Variants in LANCL3 observed in about 807,000 individuals in gnomAD.
The protein encoded by LANCL3 is lanC-like protein 3.
A neutral mutation model predicts 26.5 loss-of-function variants in LANCL3; 19 were observed. The observed-to-expected ratio is 0.72, with a 90% confidence interval of 0.50 to 1.05. LANCL3 has a LOEUF of 1.05. Among genes scored for constraint, LANCL3 ranks in the 50% least tolerant of loss-of-function variants. LANCL3 has a pLI of 0.00. For missense variants in LANCL3, 318 were observed against 362.7 expected (o/e 0.88, Z 1.00); for synonymous variants, 160 against 166.6 (o/e 0.96, Z 0.30).
At chrX:37,642,234 G>C (rs1311975285) in intron 1 of LANCL3, among the ~76,000 whole-genome samples, 1 of 112,105 alleles carries the variant, frequency 8.9e-6, no homozygotes, top group Non-Finnish European at 1.9e-5. Flanking sequence ...AGAGGTGCAC[G>C]TGGGCAAAAA....
intron 1 of LANCL3, among the ~76,000 whole-genome samples, chrX:37,621,098 CTTAATATGAGA>C (rs1925144483): frequency 8.9e-6 from 1 of 111,804 alleles, no homozygotes; most frequent in Non-Finnish European, 1.9e-5. Flanking sequence ...TTAAGAACAT[CTTAATATGAGA>C]TTTCATCCTT....
At chrX:37,663,406 C>T (rs1926466616) in intron 3 of LANCL3, among the ~76,000 whole-genome samples, 1 of 111,681 alleles carries the variant, frequency 9.0e-6, no homozygotes, top group Non-Finnish European at 1.9e-5. Context: ...AGGTACAAAG[C>T]TTGTTCCAAG....
At chrX:37,630,887 A>G (rs1298981920) in intron 1 of LANCL3, among the ~76,000 whole-genome samples, 5 of 111,125 alleles carry the variant, frequency 4.5e-5, no homozygotes, top group African/African-American at 1.3e-4. Context: ...ATCAATGTTC[A>G]TCAAGGATAT....
chrX:37,629,700 T>A (rs1925428189), intron 1 of LANCL3, among the ~76,000 whole-genome samples: 1 of 111,015 alleles, frequency 9.0e-6, no homozygotes, highest in Non-Finnish European at 1.9e-5. Flanking sequence ...ATTTATTAAA[T>A]AGGGAATCCT....
intron 1 of LANCL3, among the ~76,000 whole-genome samples, chrX:37,637,554 T>A (rs2146763141): frequency 9.0e-6 from 1 of 111,441 alleles, no homozygotes; most frequent in African/African-American, 3.3e-5. Flanking sequence ...TGTCTGGAGT[T>A]GGCAGCAGCC....
chrX:37,574,619 C>T (rs782346702), intron 1 of LANCL3, among the ~76,000 whole-genome samples: 2 of 111,911 alleles, frequency 1.8e-5, no homozygotes, highest in East Asian at 5.6e-4. Context: ...CATGTTATTT[C>T]CCTGCTCAAC....
Position 37,572,213 on chromosome X carries a change from G to C in LANCL3, c.343G>C (p.Asp115His), listed in dbSNP as rs1312735878. The change falls in exon 1 of 5, where the codon GAC becomes CAC. Residue 115 changes from aspartate to histidine, a missense_variant. By Grantham distance (81) the Asp-to-His change is moderately conservative. Transcript: ENST00000378619. Reference sequence around the variant, plus strand: ...TGAGGAGTGGGGCGAACCGGACGCCGACACCCGCGCCGCCTTCCTGCTCGG... The same window carrying C: ...TGAGGAGTGGGGCGAACCGGACGCCCACACCCGCGCCGCCTTCCTGCTCGG... ...RAEEWGEPDA[D>H]TRAAFLLGGA... 26 of 1,157,722 alleles carry C rather than the reference G, an allele frequency of 2.2e-5. No individual in the cohort carries two copies. Among genetic ancestry groups the C allele is most frequent in the Non-Finnish European group, 2.7e-5 (24 of 872,976 alleles).
intron 3 of LANCL3, among the ~76,000 whole-genome samples, chrX:37,662,815 CTTT>C (rs57561710): frequency 4.0e-5 from 4 of 99,360 alleles, no homozygotes; most frequent in Non-Finnish European, 4.1e-5. Context: ...CCCACCATTC[CTTT>C]TTTTTTTTTT....
chrX:37,681,660 C>T lies in LANCL3; in HGVS notation c.*5847C>T, dbSNP rs1926938424. The T allele has an allele frequency of 8.9e-6, 1 of 111,953 alleles. No individual in the cohort carries two copies. Among genetic ancestry groups the T allele is most frequent in the Non-Finnish European group, 1.9e-5 (1 of 53,151 alleles). The allele number at this position is 111,953 out of a possible 1,213,427, so 9.2% of individuals were successfully genotyped here. A position where few individuals can be genotyped will look rare whatever the true frequency, so the allele number is the denominator to read the frequency against. ...TAACATATTAAAGATTGAGTAAACT[C>T]TCCTGGGTAAAAAAACCTGTTTGAC... On this transcript the variant is annotated 3_prime_UTR_variant, in exon 5 of 5. Transcript: ENST00000378619.
chrX:37,632,073 A>T (rs1925536361), intron 1 of LANCL3, among the ~76,000 whole-genome samples: 1 of 110,957 alleles, frequency 9.0e-6, no homozygotes, highest in African/African-American at 3.3e-5. Context: ...TCCCATTATT[A>T]TTGTGTGGGA....
chrX:37,596,565 G>A (rs1433997063), intron 1 of LANCL3, among the ~76,000 whole-genome samples: 4 of 112,184 alleles, frequency 3.6e-5, no homozygotes, highest in East Asian at 5.6e-4. Flanking sequence ...TTCTGAAGCT[G>A]TGTTCTCTGG....
intron 1 of LANCL3, among the ~76,000 whole-genome samples, chrX:37,603,883 C>A (rs1411621215): frequency 2.7e-5 from 3 of 112,335 alleles, no homozygotes. Context: ...AAGAAATATA[C>A]CTAAAAAATG....
intron 1 of LANCL3, among the ~76,000 whole-genome samples, chrX:37,603,674 T>C (rs1052757499): frequency 1.8e-5 from 2 of 112,440 alleles, no homozygotes; most frequent in Admixed American, 9.4e-5. Context: ...TCAACTTGTA[T>C]TGAGAGACTA....
chrX:37,668,097 C>CAT (rs1303994818), intron 4 of LANCL3, among the ~76,000 whole-genome samples: 1 of 108,734 alleles, frequency 9.2e-6, no homozygotes, highest in African/African-American at 3.3e-5. Flanking sequence ...AACTATAATA[C>CAT]ATATATATGT....
intron 1 of LANCL3, among the ~76,000 whole-genome samples, chrX:37,634,666 T>C (rs1925653657): frequency 8.9e-6 from 1 of 112,528 alleles, no homozygotes; most frequent in Non-Finnish European, 1.9e-5. Flanking sequence ...ATTGGGATTA[T>C]TGGAAAAATT....
chrX:37,617,924 T>C (rs1925053669), intron 1 of LANCL3, among the ~76,000 whole-genome samples: 1 of 111,821 alleles, frequency 8.9e-6, no homozygotes, highest in Non-Finnish European at 1.9e-5. Flanking sequence ...TTTTGTTCAA[T>C]TGGAATCATG....
intron 4 of LANCL3, among the ~76,000 whole-genome samples, chrX:37,669,131 T>C (rs182625348): frequency 3.0e-4 from 34 of 112,390 alleles, no homozygotes; most frequent in African/African-American, 1.0e-3. Flanking sequence ...TGTACATGTA[T>C]ATTTTAATGA....
chrX:37,606,047 G>GAACAC (rs1435879351), intron 1 of LANCL3, among the ~76,000 whole-genome samples: 1 of 111,864 alleles, frequency 8.9e-6, no homozygotes, highest in East Asian at 2.8e-4. Context: ...TACAGTGGAA[G>GAACAC]AACACAAAGC....
At chrX:37,584,351 T>A (rs1923997321) in intron 1 of LANCL3, among the ~76,000 whole-genome samples, 1 of 108,340 alleles carries the variant, frequency 9.2e-6, no homozygotes, top group Admixed American at 9.7e-5. Flanking sequence ...TTAGGGAGGA[T>A]TCCCTCTTTT....
Sources: allele counts gnomAD v4.1 joint callset (sites outside exome capture counted in the v4.1 genomes callset), GRCh38; gene constraint gnomAD v4.1.1; transcripts MANE v1.5; gene names NCBI Gene and HGNC (gene_info 2026-07-23, HGNC 2026-07-21).